SYT1: variants seen among roughly 807,000 people sequenced by gnomAD.
The protein encoded by SYT1 is synaptotagmin-1.
In SYT1, 8 loss-of-function variants were observed where a neutral mutation model predicts 44.8. The ratio of observed to expected loss-of-function variants is 0.18; its 90% CI spans 0.10 to 0.32. The LOEUF (loss-of-function observed/expected upper bound fraction) is 0.32. Among genes scored for constraint, SYT1 ranks in the 10% least tolerant of loss-of-function variants. The probability of loss-of-function intolerance (pLI) is 1.00; values close to 1 mark genes in which losing one functional copy is unlikely to be tolerated. For missense variants in SYT1, 286 were observed against 509.3 expected (o/e 0.56, Z 4.22); for synonymous variants, 154 against 188.8 (o/e 0.82, Z 1.51).
chr12:78,887,273 T>C (rs1208646505), intron 1 of SYT1, among the ~76,000 whole-genome samples: 1 of 152,002 alleles, frequency 6.6e-6, no homozygotes, highest in African/African-American at 2.4e-5. Context: ...AGTCACTTAG[T>C]AGTCCTGGCA....
intron 2 of SYT1, among the ~76,000 whole-genome samples, chr12:79,002,197 T>TA (rs1222899344): frequency 4.6e-5 from 7 of 152,098 alleles, no homozygotes; most frequent in Non-Finnish European, 8.8e-5. Context: ...CTTTGCTGTT[T>TA]AAAAAAATTT....
intron 1 of SYT1, among the ~76,000 whole-genome samples, chr12:78,945,949 A>G (rs1282950486): frequency 6.6e-6 from 1 of 152,054 alleles, no homozygotes; most frequent in Non-Finnish European, 1.5e-5. Context: ...CTAGTTCAAA[A>G]TATCCAGTTT....
Position 79,276,694 on chromosome 12 carries a change from C to A in SYT1, c.167-9093C>A, listed in dbSNP as rs567916244. 3.5e-3 allele frequency among the ~76,000 whole-genome samples: 527 copies of A among 149,632 alleles called. 2 individuals carry two copies. Among genetic ancestry groups the A allele is most frequent in the African/African-American group, 9.6e-3 (394 of 40,854 alleles). ...CATCAAAAAAAAAAAAACAAAAAAA[C>A]CAGAACTTCTAGAAATAAAAGACTT... On this transcript the variant is annotated intron_variant, in intron 4 of 10. Coordinates refer to ENST00000261205, the MANE Select transcript of SYT1 (RefSeq NM_005639.3).
intron 9 of SYT1, among the ~76,000 whole-genome samples, chr12:79,431,120 C>T (rs2136177755): frequency 6.6e-6 from 1 of 152,336 alleles, no homozygotes; most frequent in East Asian, 1.9e-4. Context: ...GCCCACAATT[C>T]TAGAAAATCT....
intron 9 of SYT1, among the ~76,000 whole-genome samples, chr12:79,436,328 T>A (rs1286851096): frequency 2.0e-5 from 3 of 152,094 alleles, no homozygotes; most frequent in African/African-American, 7.2e-5. Flanking sequence ...AAAGGAATAA[T>A]ACCTGAAGAT....
chr12:79,063,576 G>C (rs943240683), intron 3 of SYT1, among the ~76,000 whole-genome samples: 1 of 152,048 alleles, frequency 6.6e-6, no homozygotes, highest in Non-Finnish European at 1.5e-5. Context: ...TGGAGGAGGG[G>C]GAAGGAGAAC....
chr12:79,392,492 T>C (rs1884697369), intron 9 of SYT1: 1 of 152,156 alleles, frequency 6.6e-6, no homozygotes, highest in African/African-American at 2.4e-5. Flanking sequence ...GGATGGAGGA[T>C]ACTTTACTCC....
At chr12:79,308,838 A>G (rs73351075) in intron 8 of SYT1, among the ~76,000 whole-genome samples, 1,612 of 152,352 alleles carry the variant, frequency 0.011, 30 homozygotes, top group African/African-American at 0.037. Context: ...CAAGTGTATC[A>G]TCTGCACATA....
At chr12:79,211,093 G>A (rs1874419381) in intron 3 of SYT1, among the ~76,000 whole-genome samples, 1 of 152,046 alleles carries the variant, frequency 6.6e-6, no homozygotes, top group Non-Finnish European at 1.5e-5. Flanking sequence ...TAGGGGAAAA[G>A]TGGGTATTCT....
chr12:79,416,466 G>T (rs1414364012), intron 9 of SYT1, among the ~76,000 whole-genome samples: 1 of 152,092 alleles, frequency 6.6e-6, no homozygotes, highest in African/African-American at 2.4e-5. Context: ...CTTCTAAATA[G>T]AGTTTAGGTT....
intron 3 of SYT1, among the ~76,000 whole-genome samples, chr12:79,094,236 ATTAAAT>A (rs1338103074): frequency 1.3e-5 from 2 of 151,804 alleles, no homozygotes; most frequent in African/African-American, 4.8e-5. Context: ...ATTGTTAAAA[ATTAAAT>A]TTATAAAGTT....
intron 1 of SYT1, among the ~76,000 whole-genome samples, chr12:78,973,056 C>A (rs769113456): frequency 1.1e-4 from 16 of 152,072 alleles, no homozygotes; most frequent in Non-Finnish European, 1.9e-4. Flanking sequence ...ATTTGTTTTG[C>A]CCAATCGGGT....
chr12:79,040,175 C>G (rs1243170170), intron 2 of SYT1, among the ~76,000 whole-genome samples: 1 of 151,938 alleles, frequency 6.6e-6, no homozygotes, highest in East Asian at 2.0e-4. Flanking sequence ...ATTTCTAGTT[C>G]CAGATCCCTG....
chr12:79,034,560 T>C (rs78326415), intron 2 of SYT1, among the ~76,000 whole-genome samples: 3,850 of 151,850 alleles, frequency 0.025, 71 homozygotes, highest in Middle Eastern at 0.075. Flanking sequence ...TTTGCTCATA[T>C]GTAAATAGAG....
chr12:79,208,157 T>C (rs1170668185), intron 3 of SYT1, among the ~76,000 whole-genome samples: 1 of 152,284 alleles, frequency 6.6e-6, no homozygotes, highest in African/African-American at 2.4e-5. Context: ...TTCCTGGAAA[T>C]CAGAGTCATG....
intron 1 of SYT1, among the ~76,000 whole-genome samples, chr12:78,902,196 G>GTATA (rs34023787): frequency 4.7e-5 from 7 of 149,110 alleles, no homozygotes; most frequent in African/African-American, 1.7e-4. Flanking sequence ...TAATAAATAT[G>GTATA]TATATATATA....
chr12:78,956,028 A>T (rs1268202805), intron 1 of SYT1, among the ~76,000 whole-genome samples: 1 of 151,940 alleles, frequency 6.6e-6, no homozygotes, highest in Non-Finnish European at 1.5e-5. Flanking sequence ...AAGGATGGAA[A>T]CTTCTATAAT....
At chr12:78,995,237 C>T (rs924454203) in intron 2 of SYT1, among the ~76,000 whole-genome samples, 5 of 152,140 alleles carry the variant, frequency 3.3e-5, no homozygotes, top group Non-Finnish European at 7.3e-5. Flanking sequence ...TGTCTTTGAC[C>T]TCATTGAAAC....
chr12:79,334,643 C>A (rs1428474170), intron 8 of SYT1, among the ~76,000 whole-genome samples: 1 of 152,168 alleles, frequency 6.6e-6, no homozygotes, highest in Non-Finnish European at 1.5e-5. Flanking sequence ...TTTCCTGCAA[C>A]CCTATATGAA....
Sources: allele counts gnomAD v4.1 joint callset (sites outside exome capture counted in the v4.1 genomes callset), GRCh38; gene constraint gnomAD v4.1.1; transcripts MANE v1.5; gene names NCBI Gene and HGNC (gene_info 2026-07-23, HGNC 2026-07-21).